Variants in MCF2L observed in about 807,000 individuals in gnomAD.
MCF2L encodes MCF.2 cell line derived transforming sequence like, also known as guanine nucleotide exchange factor DBS.
A neutral mutation model predicts 153.4 loss-of-function variants in MCF2L; 97 were observed. That is an observed-to-expected ratio of 0.63 (90% CI 0.54 to 0.75). MCF2L has a LOEUF of 0.75. MCF2L is among the 30% of genes least tolerant of loss of function. The pLI, the probability that MCF2L is intolerant of heterozygous loss-of-function variation, is 0.00. For synonymous variants in MCF2L, 659 were observed against 632.2 expected (o/e 1.04, Z -0.64); for missense variants, 1,347 against 1,495.2 (o/e 0.90, Z 1.64).
chr13:113,096,340 G>A, intron 27 of MCF2L, 31 bp from the exon 28 acceptor site: 1 of 1,495,014 alleles, frequency 6.7e-7, no homozygotes, highest in Non-Finnish European at 9.1e-7. Flanking sequence ...GGGTGCTGAC[G>A]CTGTCTGTGC....
At chr13:112,991,422 G>A (rs1284119923) in intron 1 of MCF2L, among the ~76,000 whole-genome samples, 1 of 152,078 alleles carries the variant, frequency 6.6e-6, no homozygotes, top group Non-Finnish European at 1.5e-5. Flanking sequence ...CTGAGGACCT[G>A]ATTCACTGTG....
At chr13:112,952,958 C>T (rs6420984) in intron 2 of MCF2L, among the ~76,000 whole-genome samples, 102,469 of 152,026 alleles carry the variant, frequency 0.67, 34,900 homozygotes, top group South Asian at 0.81. Flanking sequence ...TAAATGCCCA[C>T]TTTTGGAATG....
intron 1 of MCF2L, among the ~76,000 whole-genome samples, chr13:112,896,683 T>C (rs1179624174): frequency 6.6e-6 from 1 of 152,216 alleles, no homozygotes; most frequent in Non-Finnish European, 1.5e-5. Context: ...TGTAAGGTTC[T>C]GGGTGCAGCT....
At chr13:113,084,357 G>A (rs1360820548) in intron 18 of MCF2L, among the ~76,000 whole-genome samples, 2 of 102,592 alleles carry the variant, frequency 1.9e-5, no homozygotes, top group South Asian at 3.1e-4. Flanking sequence ...AGAACCTTCT[G>A]TACCCCCAGA....
rs542430540 is a variant in MCF2L at position 113,092,822 on chromosome 13, G to A, written c.2954-1692G>A. Among the ~76,000 whole-genome samples, 44 of 152,344 alleles carry A rather than the reference G, an allele frequency of 2.9e-4. No individual in the cohort carries two copies. In the Middle Eastern group the frequency reaches 0.01, roughly 35 times the overall value. ...CCTGTTCCAGCACAGCGCTCTTGAT[G>A]GCCCGCAGAGAGGCTCTGGGGAGCA... On this transcript the variant is annotated intron_variant, in intron 26 of 29. Transcript: ENST00000535094.
chr13:113,007,555 G>A (rs962089893), intron 1 of MCF2L, among the ~76,000 whole-genome samples: 5 of 152,220 alleles, frequency 3.3e-5, no homozygotes, highest in Admixed American at 6.5e-5. Flanking sequence ...CTTTGTTGGC[G>A]ATTCTAGAGT....
intron 9 of MCF2L, among the ~76,000 whole-genome samples, chr13:113,072,774 C>T (rs2033049015): frequency 6.6e-6 from 1 of 152,124 alleles, no homozygotes; most frequent in Non-Finnish European, 1.5e-5. Flanking sequence ...TATCACTCCT[C>T]ATCTTTCCAA....
intron 2 of MCF2L, among the ~76,000 whole-genome samples, chr13:112,920,233 G>A (rs568267564): frequency 3.3e-5 from 5 of 152,316 alleles, no homozygotes; most frequent in Admixed American, 2.6e-4. Context: ...GGGAGGAGGC[G>A]TGTGTCTGTA....
intron 26 of MCF2L, among the ~76,000 whole-genome samples, chr13:113,092,379 G>A (rs502172): frequency 0.99 from 149,621 of 151,554 alleles, 73,883 homozygotes; most frequent in Non-Finnish European, 1. Flanking sequence ...TGTGGTGTCA[G>A]AGCCGGGCCA....
At position 113,075,110 on chromosome 13, in the gene MCF2L, G is replaced by T. The variant is rs2033323950; in HGVS notation, c.1229G>T (p.Cys410Phe). The stretch of plus-strand genomic sequence containing the variant: ...AAGTGCCAGGAGCTCCGGCACCTCT[G>T]TGACCAGTTCTCTGCGGAGATCGCA... ...RPKCQELRHL[C>F]DQFSAEIARR... The change falls in exon 11 of 30, where the codon TGT (cysteine) becomes TTT (phenylalanine). Residue 410 changes from cysteine to phenylalanine, a missense_variant. Cys to Phe is a radical substitution (Grantham distance 205, BLOSUM62 -2). Coordinates refer to ENST00000535094, the MANE Select transcript of MCF2L (RefSeq NM_001112732.3). The T allele has an allele frequency of 5.6e-6, 9 of 1,613,628 alleles. No homozygotes were observed. Among genetic ancestry groups the T allele is most frequent in the Non-Finnish European group, 7.6e-6 (9 of 1,180,018 alleles).
intron 1 of MCF2L, among the ~76,000 whole-genome samples, chr13:112,995,347 AT>A (rs1255674080): frequency 3.3e-5 from 5 of 152,236 alleles, no homozygotes; most frequent in Non-Finnish European, 5.9e-5. Context: ...AAGAGGGTCC[AT>A]TTGAGAGCTT....
At chr13:112,917,805 G>A (rs990027405) in intron 2 of MCF2L, among the ~76,000 whole-genome samples, 3 of 152,162 alleles carry the variant, frequency 2.0e-5, no homozygotes, top group African/African-American at 4.8e-5. Flanking sequence ...TTTGCTGCGG[G>A]GGTTCTCCTT....
intron 1 of MCF2L, among the ~76,000 whole-genome samples, chr13:112,981,843 G>A (rs1447470576): frequency 4.6e-5 from 7 of 152,258 alleles, no homozygotes; most frequent in African/African-American, 9.6e-5. Flanking sequence ...AGCCTTGTCC[G>A]GCCCCCTCCC....
At chr13:112,913,011 T>C (rs1226034220) in intron 2 of MCF2L, among the ~76,000 whole-genome samples, 3 of 151,022 alleles carry the variant, frequency 2.0e-5, no homozygotes, top group Non-Finnish European at 1.5e-5. Context: ...GTGGTGTATC[T>C]CTGTGTCTGG....
rs1330839434 is a variant in MCF2L, at chr13:113,089,717, A to G, written c.2942A>G (p.Glu981Gly). ...VSSAPLTKPPEKGKGWSKTSH... is the reference protein window; with the variant it reads ...VSSAPLTKPPGKGKGWSKTSH... ...TCAGCGCCACTGACAAAGCCCCCCGAAAAGGGCAAAGGTGGGTATGTGCAG... is the reference window on the plus strand; with the variant it reads ...TCAGCGCCACTGACAAAGCCCCCCGGAAAGGGCAAAGGTGGGTATGTGCAG... The change falls in exon 26 of 30, where the codon GAA becomes GGA. Residue 981 changes from glutamate (E) to glycine (G), a missense_variant. Physicochemically the swap from Glu to Gly is moderately conservative, Grantham distance 98. Transcript: ENST00000535094. The G allele has an allele frequency of 1.9e-6, 3 of 1,613,622 alleles. No individual in the cohort carries two copies. The highest frequency in any genetic ancestry group is 4.5e-5 in the East Asian group (2 of 44,880).
rs772667250 is a variant in MCF2L at position 113,053,610 on chromosome 13, C to T, written c.370-6983C>T. Among the ~76,000 whole-genome samples, 41 of 152,098 alleles carry T rather than the reference C, an allele frequency of 2.7e-4. No homozygotes were observed. The highest frequency in any genetic ancestry group is 8.9e-4 in the African/African-American group (37 of 41,422). ...GGGTCATGTGTGGTGATGCTCAGGA[C>T]GGGGCGAAGGTCCCGTGGCTGAGGT... is the stretch of plus-strand genomic sequence containing the variant. On this transcript the variant is annotated intron_variant, in intron 4 of 29. Transcript: ENST00000535094. The surrounding 1 kb of genome is among the most constrained non-coding windows in gnomAD (Gnocchi z 4.4).
chr13:113,071,045 C>T (rs554202664), intron 9 of MCF2L, among the ~76,000 whole-genome samples: 1 of 152,074 alleles, frequency 6.6e-6, no homozygotes, highest in African/African-American at 2.4e-5. Context: ...TTCCCCTTTC[C>T]CCAGCACGTG....
At position 112,932,119 on chromosome 13, in the gene MCF2L, G is replaced by A. The variant is rs1294810557; in HGVS notation, c.169+29748G>A. On this transcript the variant is annotated intron_variant, in intron 2 of 29. Transcript: ENST00000375608. The surrounding 1 kb of genome is among the most constrained non-coding windows in gnomAD (Gnocchi z 4.6). ...TATGTGGTTCCGAAGAGTTCAAGACGAAAAGAGGGAGAAAGAGTAACTTCC... is the reference window on the plus strand; with the variant it reads ...TATGTGGTTCCGAAGAGTTCAAGACAAAAAGAGGGAGAAAGAGTAACTTCC... Among the ~76,000 whole-genome samples the A allele has an allele frequency of 6.6e-6, 1 of 151,378 alleles. No individual in the cohort carries two copies. The highest frequency in any genetic ancestry group is 6.6e-5 in the Admixed American group (1 of 15,264).
At position 112,969,566 on chromosome 13, in the gene MCF2L, T is replaced by C. The variant is rs2081971546; in HGVS notation, c.79+108T>C. Reference sequence around the variant, plus strand: ...TGTAAGCCGCCCTCGTGTTCCTTTCTAGCCGTGGTAGCTGTGACATGGGGG... The same window carrying C: ...TGTAAGCCGCCCTCGTGTTCCTTTCCAGCCGTGGTAGCTGTGACATGGGGG... On this transcript the variant is annotated intron_variant, in intron 1 of 29. Coordinates refer to ENST00000535094, the MANE Select transcript of MCF2L (RefSeq NM_001112732.3). This position sits in a 1 kb window ranked among gnomAD's most constrained non-coding sequence, Gnocchi z 4.8. 1.3e-6 allele frequency: 2 copies of C among 1,503,272 alleles called. No individual in the cohort carries two copies. The highest frequency in any genetic ancestry group is 9.0e-7 in the Non-Finnish European group (1 of 1,116,972). 93.1% of individuals were successfully genotyped at this position (1,503,272 alleles called of 1,614,324 possible).
Sources: gnomAD v4.1 joint callset for allele counts (sites outside exome capture counted in the v4.1 genomes callset) on GRCh38, gnomAD v4.1.1 for gene constraint, Gnocchi (gnomAD v3.1) non-coding constraint, MANE v1.5 for transcripts, NCBI Gene and HGNC (gene_info 2026-07-23, HGNC 2026-07-21) for gene names.